PHF12: variants seen among roughly 807,000 people sequenced by gnomAD.
PHF12 encodes the protein PHD factor 1.
Under a neutral mutation model 99.8 loss-of-function variants are expected in PHF12, and 6 were observed. The observed-to-expected ratio is 0.06, with a 90% CI of 0.03 to 0.12. The LOEUF (loss-of-function observed/expected upper bound fraction) is 0.12, where lower values mean the gene tolerates loss of function less well. Among genes scored for constraint, PHF12 ranks in the 10% least tolerant of loss-of-function variants. The pLI, the probability that PHF12 is intolerant of heterozygous loss-of-function variation, is 1.00. For missense variants in PHF12, 954 were observed against 1,300.1 expected (o/e 0.73, Z 4.09); for synonymous variants, 480 against 514.9 (o/e 0.93, Z 0.92).
chr17:28,914,669 CTCAAAAAAA>C (rs1285021693), intron 7 of PHF12, among the ~76,000 whole-genome samples: 2 of 46,114 alleles, frequency 4.3e-5, no homozygotes, highest in Non-Finnish European at 6.9e-5. Flanking sequence ...GAGACTCCGT[CTCAAAAAAA>C]AAAAAAAAAA....
At position 28,913,025 on chromosome 17, in the gene PHF12, C is replaced by A; in HGVS notation, c.1546G>T (p.Ala516Ser). The A allele has an allele frequency of 6.2e-7, 1 of 1,614,160 alleles. No homozygotes were observed. Among genetic ancestry groups the A allele is most frequent in the Non-Finnish European group, 8.5e-7 (1 of 1,180,016 alleles). Residue 516 changes from alanine to serine, a missense_variant, in exon 9 of 15, where the codon GCC (alanine) becomes TCC (serine). Transcript: ENST00000332830. ...GAACTGCAGCCGATGTCCTCTAGGG[C>A]TGGGGACTGGTGGGGTGGAGAGCAG... ...LSCSPPHQSP[A>S]LEDIGCSSCA... is the part of the protein sequence containing the mutation.
chr17:28,925,971 C>T (rs11652544), intron 3 of PHF12: 25,273 of 152,222 alleles, frequency 0.17, 2,201 homozygotes, highest in South Asian at 0.25. Context: ...CTAACAGGCC[C>T]TGCTCTAACC....
At chr17:28,947,917 C>G (rs1246268877) in intron 2 of PHF12, among the ~76,000 whole-genome samples, 3 of 152,042 alleles carry the variant, frequency 2.0e-5, no homozygotes, top group African/African-American at 7.3e-5. Context: ...ATGAAATGCA[C>G]AGTCTGGGCA....
At chr17:28,925,766 A>G (rs931669911) in intron 3 of PHF12, 4 of 152,248 alleles carry the variant, frequency 2.6e-5, no homozygotes, top group Non-Finnish European at 5.9e-5. Flanking sequence ...TACGGCCAGC[A>G]TTCGGTATCC....
At chr17:28,907,274 A>G in intron 13 of PHF12, 1 of 514,070 alleles carries the variant, frequency 1.9e-6, no homozygotes, top group East Asian at 3.3e-5. Context: ...TGATAATGAA[A>G]TTCACAGGGA....
intron 2 of PHF12, among the ~76,000 whole-genome samples, chr17:28,946,398 G>A (rs1322052440): frequency 2.0e-5 from 3 of 152,168 alleles, no homozygotes; most frequent in East Asian, 1.9e-4. Context: ...AAGAGATGAC[G>A]TGCCTCATAC....
In PHF12 at chr17:28,912,509, G is replaced by C; in HGVS notation, c.2062C>G (p.Arg688Gly). Residue 688 changes from arginine to glycine, a missense_variant, in exon 9 of 15, where the codon CGA becomes GGA. Arg to Gly is a moderately radical substitution (Grantham distance 125). This residue lies in a region of PHF12 where 392 missense variants were observed against 423.1 expected (regional missense o/e 0.93). Coordinates refer to ENST00000332830, the MANE Select transcript of PHF12 (RefSeq NM_001033561.2). The stretch of plus-strand genomic sequence containing the variant: ...GACGATGGCGCTGGTGAGCTGAATC[G>C]TTGGTTGGCTGTTGTGGCCAAGATA... ...DGILATTANQ[R>G]FSSPAPSSDG... The C allele has an allele frequency of 6.2e-7, 1 of 1,605,778 alleles. No homozygotes were observed. The highest frequency in any genetic ancestry group is 8.5e-7 in the Non-Finnish European group (1 of 1,173,642).
intron 3 of PHF12, chr17:28,925,794 T>C (rs183288499): frequency 1.6e-4 from 24 of 152,338 alleles, no homozygotes; most frequent in East Asian, 5.8e-4. Flanking sequence ...GCTGGATGGA[T>C]AGATAATGGG....
rs199953861 is a variant in PHF12 at position 28,906,203 on chromosome 17, G to A, written c.2995C>T (p.Arg999Cys). 1.4e-4 allele frequency: 223 copies of A among 1,600,138 alleles called. No individual in the cohort carries two copies. The highest frequency in any genetic ancestry group is 1.1e-4 in the Non-Finnish European group (132 of 1,170,216). ...SLKPHQGPVL[R>C]SNSVP Reference sequence around the variant, plus strand: ...CAGTCCTAAGGAACAGAGTTGGAGCGCAGCACAGGGCCCTGGTGGGGCTTG... The same window carrying A: ...CAGTCCTAAGGAACAGAGTTGGAGCACAGCACAGGGCCCTGGTGGGGCTTG... The change falls in exon 15 of 15, where the codon CGC becomes TGC. Residue 999 changes from arginine to cysteine, a missense_variant. By Grantham distance (180) the Arg-to-Cys change is radical. Transcript: ENST00000332830. This position sits in a 1 kb window ranked among gnomAD's most constrained non-coding sequence, Gnocchi z 4.2.
At chr17:28,923,803 C>T (rs1352750770) in intron 4 of PHF12, 106 bp downstream of exon 4, 2 of 1,363,774 alleles carry the variant, frequency 1.5e-6, no homozygotes, top group African/African-American at 1.5e-5. Flanking sequence ...AACAGGAACC[C>T]AAGACAGTAG....
intron 2 of PHF12, among the ~76,000 whole-genome samples, chr17:28,942,240 T>A (rs558794235): frequency 6.6e-6 from 1 of 152,272 alleles, no homozygotes; most frequent in African/African-American, 2.4e-5. Flanking sequence ...AAATCAACCA[T>A]CTTTTGCTAG....
chr17:28,942,109 C>A (rs572890073), intron 2 of PHF12, among the ~76,000 whole-genome samples: 1 of 152,296 alleles, frequency 6.6e-6, no homozygotes, highest in East Asian at 1.9e-4. Flanking sequence ...CAACAACATA[C>A]CAAATCACAT....
At position 28,912,733 on chromosome 17, in the gene PHF12, C is replaced by T. The variant is rs1311418343; in HGVS notation, c.1838G>A (p.Cys613Tyr). 7 of 1,614,084 alleles carry T rather than the reference C, an allele frequency of 4.3e-6. No individual in the cohort carries two copies. The highest frequency in any genetic ancestry group is 5.1e-6 in the Non-Finnish European group (6 of 1,180,046). ...GACAGGAACCAAACTCCTCTGGGGGCAAGAGCTGGGGCCAGTGGCATTCTC... is the reference window on the plus strand; with the variant it reads ...GACAGGAACCAAACTCCTCTGGGGGTAAGAGCTGGGGCCAGTGGCATTCTC... Reference protein sequence around the residue: ...KTENATGPSSCPQRSLVPVPS... With the variant: ...KTENATGPSSYPQRSLVPVPS... Residue 613 changes from cysteine to tyrosine, a missense_variant, in exon 9 of 15, where the codon TGC becomes TAC. Coordinates refer to ENST00000332830, the MANE Select transcript of PHF12 (RefSeq NM_001033561.2).
chr17:28,916,049 C>T (rs1295859449), intron 7 of PHF12, among the ~76,000 whole-genome samples: 1 of 152,232 alleles, frequency 6.6e-6, no homozygotes, highest in Non-Finnish European at 1.5e-5. Flanking sequence ...TTAATATCAT[C>T]CATTTCCGAA....
chr17:28,924,081 A>G lies in PHF12; in HGVS notation c.543T>C (p.Asn181=), dbSNP rs1454795338. The G allele has an allele frequency of 6.2e-7, 1 of 1,614,044 alleles. No homozygotes were observed. Among genetic ancestry groups the G allele is most frequent in the African/African-American group, 1.3e-5 (1 of 74,906 alleles). The change falls in exon 4 of 15, where the codon AAT becomes AAC. Residue 181 remains asparagine, a synonymous_variant. Transcript: ENST00000332830. ...ASTETPTSEQ[N]DVDEDIIDVD... Reference sequence around the variant, plus strand: ...CGTCAATGATGTCTTCGTCGACATCATTCTGCTCAGAGGTGGGAGTCTCTG... The same window carrying G: ...CGTCAATGATGTCTTCGTCGACATCGTTCTGCTCAGAGGTGGGAGTCTCTG...
Position 28,912,636 on chromosome 17 carries a change from A to T in PHF12, c.1935T>A (p.Thr645=), listed in dbSNP as rs770396259. Residue 645 remains threonine, a synonymous_variant, in exon 9 of 15, where the codon ACT becomes ACA. Transcript: ENST00000332830. ...IENTSTLQRK[T]VQSQIGPPLT... is the part of the protein sequence containing the mutation. ...ACGGAGGTCCTATCTGTGATTGGACAGTCTTTCTTTGCAAAGTGCTGGTGT... is the reference window on the plus strand; with the variant it reads ...ACGGAGGTCCTATCTGTGATTGGACTGTCTTTCTTTGCAAAGTGCTGGTGT... 6.2e-7 allele frequency: 1 copy of T among 1,614,218 alleles called. No individual in the cohort carries two copies. The highest frequency in any genetic ancestry group is 8.5e-7 in the Non-Finnish European group (1 of 1,180,042).
Position 28,906,398 on chromosome 17 carries a change from T to C in PHF12, c.2800A>G (p.Ile934Val), listed in dbSNP as rs1425684831. The C allele has an allele frequency of 6.2e-7, 1 of 1,614,064 alleles. No homozygotes were observed. The highest frequency in any genetic ancestry group is 8.5e-7 in the Non-Finnish European group (1 of 1,180,036). ...TCCCAGCCGGCCCCACTGCCCCCAA[T>C]CAAGCTCGAGCTGCTGGCTTTGCAA... Reference protein sequence around the residue: ...CNCKASSSSLIGGSGAGWEGT... With the variant: ...CNCKASSSSLVGGSGAGWEGT... Residue 934 changes from isoleucine to valine, a missense_variant, in exon 15 of 15, where the codon ATT (isoleucine) becomes GTT (valine). Around this residue, in one of 8 missense-constraint regions of PHF12, gnomAD observed 136 missense variants for 172.3 expected, o/e 0.79. Transcript: ENST00000332830. This position sits in a 1 kb window ranked among gnomAD's most constrained non-coding sequence, Gnocchi z 4.2.
Position 28,950,126 on chromosome 17 carries a change from T to C in PHF12, c.187A>G (p.Lys63Glu). 6.2e-7 allele frequency: 1 copy of C among 1,613,926 alleles called. No homozygotes were observed. The highest frequency in any genetic ancestry group is 8.5e-7 in the Non-Finnish European group (1 of 1,180,000). ...CAGCACAGGAGATCTCCACCTTCCTTGCAGCTATCGCAGCTGTCGTGGTTG... is the reference window on the plus strand; with the variant it reads ...CAGCACAGGAGATCTCCACCTTCCTCGCAGCTATCGCAGCTGTCGTGGTTG... ...ATNHDSCDSC[K>E]EGGDLLCCDH... is the part of the protein sequence containing the mutation. The change falls in exon 2 of 15, where the codon AAG becomes GAG. Residue 63 changes from lysine (K) to glutamate (E), a missense_variant. By Grantham distance (56) the Lys-to-Glu change is moderately conservative. Coordinates refer to ENST00000332830, the MANE Select transcript of PHF12 (RefSeq NM_001033561.2). The surrounding 1 kb of genome is among the most constrained non-coding windows in gnomAD (Gnocchi z 5.7).
Position 28,905,742 on chromosome 17 carries a change from T to G in PHF12, c.*441A>C, listed in dbSNP as rs2039861131. 6.4e-6 allele frequency: 1 copy of G among 155,540 alleles called. No homozygotes were observed. The highest frequency in any genetic ancestry group is 2.0e-4 in the South Asian group (1 of 4,890). 9.6% of individuals were successfully genotyped at this position (155,540 alleles called of 1,614,324 possible). A position where few individuals can be genotyped will look rare whatever the true frequency, so the allele number is the denominator to read the frequency against. ...TATTAAATAAAACAATGATATTGTA[T>G]AGATTTTGCTGTATGAAAACTGTAT... On this transcript the variant is annotated 3_prime_UTR_variant, in exon 15 of 15. Transcript: ENST00000332830.
Sources: gnomAD v4.1 joint callset for allele counts (sites outside exome capture counted in the v4.1 genomes callset) on GRCh38, gnomAD v4.1.1 for gene constraint, gnomAD v4.1.1 regional missense constraint, Gnocchi (gnomAD v3.1) non-coding constraint, MANE v1.5 for transcripts, NCBI Gene and HGNC (gene_info 2026-07-23, HGNC 2026-07-21) for gene names.